TCF3: variants seen among roughly 807,000 people sequenced by gnomAD.
The protein encoded by TCF3 is transcription factor E2-alpha.
TCF3 carries 54 observed loss-of-function variants against 72.3 expected under a neutral mutation model. The ratio of observed to expected loss-of-function variants is 0.75; its 90% CI spans 0.60 to 0.94. The LOEUF (loss-of-function observed/expected upper bound fraction) is 0.94, where lower values mean the gene tolerates loss of function less well. Ranked by LOEUF, TCF3 falls within the 40% of genes least tolerant of loss-of-function variation. TCF3 has a pLI of 0.00. For synonymous variants in TCF3, 525 were observed against 412.6 expected (o/e 1.27, Z -3.30); for missense variants, 1,078 against 934.4 (o/e 1.15, Z -2.00).
chr19:1,636,287 G>A (rs140471292), intron 3 of TCF3, among the ~76,000 whole-genome samples: 2 of 152,068 alleles, frequency 1.3e-5, no homozygotes, highest in East Asian at 1.9e-4. Context: ...AGCCTCCCAC[G>A]TAGCTGGGAC....
intron 18 of TCF3, among the ~76,000 whole-genome samples, chr19:1,613,228 G>C (rs732690): frequency 2.6e-5 from 4 of 152,162 alleles, no homozygotes; most frequent in Non-Finnish European, 2.9e-5. Flanking sequence ...GAATGCAGCA[G>C]AGCCCCATGG....
rs10674333 is a variant in TCF3 at position 1,639,751 on chromosome 19, G to GAAA, written c.145+6601_145+6603dup. ...CAACCTGACCTGAAGAGGAAATTAG[G>GAAA]AAAAAAAAAAAAAAAAAAAAAAAGG... On this transcript the variant is annotated intron_variant, in intron 3 of 18. Transcript: ENST00000262965. 2.8e-3 allele frequency among the ~76,000 whole-genome samples: 149 copies of GAAA among 54,130 alleles called. 1 individual carries two copies. Among genetic ancestry groups the GAAA allele is most frequent in the East Asian group, 4.6e-3 (8 of 1,754 alleles). The allele number at this position is 54,130 out of a possible 152,430, so 35.5% of individuals were successfully genotyped here.
rs2060927919 is a variant in TCF3, at chr19:1,610,860, C to A, written c.*847G>T. 8.8e-6 allele frequency: 2 copies of A among 228,144 alleles called. No individual in the cohort carries two copies. Among genetic ancestry groups the A allele is most frequent in the African/African-American group, 2.2e-5 (1 of 44,660 alleles). 14.1% of individuals were successfully genotyped at this position (228,144 alleles called of 1,614,324 possible). A position where few individuals can be genotyped will look rare whatever the true frequency, so the allele number is the denominator to read the frequency against. On this transcript the variant is annotated 3_prime_UTR_variant, in exon 19 of 19. Coordinates refer to ENST00000262965, the MANE Select transcript of TCF3 (RefSeq NM_003200.5). ...TTCCACATGACAAAACCAAGAGAACCCCCAACATCAAAAAAACAAAAGACC... is the reference window on the plus strand; with the variant it reads ...TTCCACATGACAAAACCAAGAGAACACCCAACATCAAAAAAACAAAAGACC...
Position 1,610,088 on chromosome 19 carries a change from C to T in TCF3, c.*1619G>A, listed in dbSNP as rs920559966. On this transcript the variant is annotated 3_prime_UTR_variant, in exon 19 of 19. Coordinates refer to ENST00000262965, the MANE Select transcript of TCF3 (RefSeq NM_003200.5). ...GCAGTTTTAAACCCAAGACAGTCCC[C>T]AGCCAGCTGGGAAGAGCTGGTTACC... The T allele has an allele frequency of 1.7e-5, 4 of 232,860 alleles. No individual in the cohort carries two copies. In the East Asian group the frequency reaches 2.4e-4, roughly 14 times the overall value. The allele number at this position is 232,860 out of a possible 1,614,324, so 14.4% of individuals were successfully genotyped here. A position where few individuals can be genotyped will look rare whatever the true frequency, so the allele number is the denominator to read the frequency against.
At position 1,611,257 on chromosome 19, in the gene TCF3, C is replaced by T. The variant is rs2060962218; in HGVS notation, c.*450G>A. On this transcript the variant is annotated 3_prime_UTR_variant, in exon 19 of 19. Transcript: ENST00000262965. ...GCTTTAGAAGAATAAGCCAGGTTTCCACAGCATCCCCCTTGAGTGATATGT... is the reference window on the plus strand; with the variant it reads ...GCTTTAGAAGAATAAGCCAGGTTTCTACAGCATCCCCCTTGAGTGATATGT... The T allele has an allele frequency of 3.2e-6, 1 of 311,590 alleles. No individual in the cohort carries two copies. 19.3% of individuals were successfully genotyped at this position (311,590 alleles called of 1,614,324 possible).
At chr19:1,647,557 G>A (rs1029619649) in intron 2 of TCF3, among the ~76,000 whole-genome samples, 8 of 152,162 alleles carry the variant, frequency 5.3e-5, no homozygotes, top group East Asian at 3.9e-4. Context: ...ACGGTCTTGC[G>A]GGTAGGGGTG....
chr19:1,611,441 A>C lies in TCF3; in HGVS notation c.*266T>G, dbSNP rs1035776790. On this transcript the variant is annotated 3_prime_UTR_variant, in exon 19 of 19. Transcript: ENST00000262965. ...GATGCAGTTTCAGGATCCATGGGAC[A>C]GGTCACAGAGTGACACGGTGGCTGA... 3.8e-5 allele frequency: 16 copies of C among 426,556 alleles called. No homozygotes were observed. The East Asian group carries it at 5.2e-4, about 14-fold the overall frequency. The allele number at this position is 426,556 out of a possible 1,614,324, so 26.4% of individuals were successfully genotyped here.
intron 7 of TCF3, 48 bp from the exon 8 acceptor site, chr19:1,624,048 A>G: frequency 6.3e-7 from 1 of 1,586,818 alleles, no homozygotes; most frequent in Non-Finnish European, 8.6e-7. Context: ...CATGAGAACA[A>G]CCCCTGCCCT....
At chr19:1,633,625 A>G (rs896388140) in intron 3 of TCF3, among the ~76,000 whole-genome samples, 30 of 152,166 alleles carry the variant, frequency 2.0e-4, no homozygotes, top group African/African-American at 5.8e-4. Context: ...ATGAATATTC[A>G]TGCGCCTCAT....
At chr19:1,629,905 T>C (rs911141818) in intron 5 of TCF3, among the ~76,000 whole-genome samples, 12 of 152,172 alleles carry the variant, frequency 7.9e-5, no homozygotes, top group African/African-American at 2.4e-4. Flanking sequence ...ATGGGGAAGA[T>C]GACAGCCACG....
At chr19:1,644,291 G>C (rs1034604718) in intron 3 of TCF3, among the ~76,000 whole-genome samples, 1 of 152,232 alleles carries the variant, frequency 6.6e-6, no homozygotes, top group African/African-American at 2.4e-5. Context: ...GGGGCCTGGG[G>C]GAGTGGAGGC....
intron 16 of TCF3, among the ~76,000 whole-genome samples, chr19:1,618,340 C>T (rs768538507): frequency 1.6e-4 from 24 of 152,224 alleles, no homozygotes; most frequent in Middle Eastern, 6.8e-3. Context: ...CTTGGTCTCC[C>T]GGTGCCACTC....
intron 3 of TCF3, among the ~76,000 whole-genome samples, chr19:1,641,256 G>A (rs1350721588): frequency 6.6e-6 from 1 of 151,416 alleles, no homozygotes; most frequent in Admixed American, 6.6e-5. Context: ...TTATGCTAAC[G>A]TAACAGAATA....
intron 1 of TCF3, among the ~76,000 whole-genome samples, chr19:1,651,529 G>A (rs1043161131): frequency 3.3e-5 from 5 of 152,238 alleles, no homozygotes; most frequent in Admixed American, 1.3e-4. Flanking sequence ...TGGGGGGGTG[G>A]CGAGCTAAAA....
At chr19:1,626,226 G>C (rs540908983) in intron 6 of TCF3, among the ~76,000 whole-genome samples, 1 of 152,214 alleles carries the variant, frequency 6.6e-6, no homozygotes, top group South Asian at 2.1e-4. Flanking sequence ...TGAGGCGGGC[G>C]GATCACCTGA....
intron 3 of TCF3, among the ~76,000 whole-genome samples, chr19:1,636,976 A>G (rs1328177591): frequency 6.6e-6 from 1 of 152,192 alleles, no homozygotes; most frequent in Non-Finnish European, 1.5e-5. Flanking sequence ...CACAGCACCT[A>G]AAGTGGCAGG....
intron 6 of TCF3, among the ~76,000 whole-genome samples, chr19:1,627,141 G>A (rs1050832922): frequency 6.6e-6 from 1 of 152,086 alleles, no homozygotes; most frequent in African/African-American, 2.4e-5. Flanking sequence ...GCTAAGCATG[G>A]CAGCCCTGCA....
chr19:1,633,790 A>G (rs1346699727), intron 3 of TCF3, among the ~76,000 whole-genome samples: 1 of 152,200 alleles, frequency 6.6e-6, no homozygotes, highest in African/African-American at 2.4e-5. Flanking sequence ...CTGCACCCCA[A>G]GATCCTGGTC....
chr19:1,633,508 C>A (rs1011863335), intron 3 of TCF3, among the ~76,000 whole-genome samples: 1 of 151,282 alleles, frequency 6.6e-6, no homozygotes, highest in Non-Finnish European at 1.5e-5. Flanking sequence ...TCTTTCAAAT[C>A]GCATCCTTCT....
Sources: gnomAD v4.1 joint callset for allele counts (sites outside exome capture counted in the v4.1 genomes callset) on GRCh38, gnomAD v4.1.1 for gene constraint, MANE v1.5 for transcripts, NCBI Gene and HGNC (gene_info 2026-07-23, HGNC 2026-07-21) for gene names.